Variants in VPS41 observed in about 807,000 individuals in gnomAD.
The protein encoded by VPS41 is VPS41 subunit of HOPS complex.
In VPS41, 85 loss-of-function variants were observed where a neutral mutation model predicts 130.9. That is an observed-to-expected ratio of 0.65 (90% CI 0.55 to 0.78). The LOEUF (loss-of-function observed/expected upper bound fraction) is 0.78. Among genes scored for constraint, VPS41 ranks in the 30% least tolerant of loss-of-function variants. The probability of loss-of-function intolerance (pLI) is 0.00; values close to 1 mark genes in which losing one functional copy is unlikely to be tolerated. For missense variants in VPS41, 874 were observed against 1,018.7 expected (o/e 0.86, Z 1.93); for synonymous variants, 335 against 332.9 (o/e 1.01, Z -0.07).
At position 38,789,800 on chromosome 7, in the gene VPS41, C is replaced by T. The variant is rs1205424760; in HGVS notation, c.784+1G>A. 1.2e-6 allele frequency: 2 copies of T among 1,613,554 alleles called. No homozygotes were observed. Among genetic ancestry groups the T allele is most frequent in the South Asian group, 1.1e-5 (1 of 91,070 alleles). On this transcript the variant is annotated splice_donor_variant, in intron 10 of 28. Transcript: ENST00000310301. LOFTEE classifies it high-confidence loss of function. Reference sequence around the variant, plus strand: ...ACAGAAGGCAAGTGTTGGAGCCATACCTATTTCAACATATCGACTTGGCAA... The same window carrying T: ...ACAGAAGGCAAGTGTTGGAGCCATATCTATTTCAACATATCGACTTGGCAA...
At chr7:38,862,448 C>T (rs1786136899) in intron 4 of VPS41, 97 bp downstream of exon 4, 5 of 700,474 alleles carry the variant, frequency 7.1e-6, no homozygotes, top group Non-Finnish European at 1.2e-5. Context: ...TAAAGATCCT[C>T]TTTATGCTAT....
At chr7:38,737,850 G>C (rs1795801839) in intron 25 of VPS41, among the ~76,000 whole-genome samples, 1 of 152,190 alleles carries the variant, frequency 6.6e-6, no homozygotes, top group African/African-American at 2.4e-5. Flanking sequence ...TCCTGCTCCA[G>C]AGAGAAATGT....
intron 4 of VPS41, among the ~76,000 whole-genome samples, chr7:38,832,721 C>G (rs751997086): frequency 1.3e-5 from 2 of 152,148 alleles, no homozygotes; most frequent in Non-Finnish European, 2.9e-5. Context: ...TAACTTACTT[C>G]ACCTAATTGG....
intron 25 of VPS41, among the ~76,000 whole-genome samples, chr7:38,730,679 G>T (rs1795644944): frequency 6.6e-6 from 1 of 152,124 alleles, no homozygotes; most frequent in South Asian, 2.1e-4. Context: ...AAATATGGAT[G>T]TCAGGAAACT....
At position 38,774,257 on chromosome 7, in the gene VPS41, AAGAG is replaced by A; in HGVS notation, c.883-17_883-14del. 1 of 1,560,196 alleles carries A rather than the reference AAGAG, an allele frequency of 6.4e-7. No homozygotes were observed. The highest frequency in any genetic ancestry group is 1.9e-5 in the Admixed American group (1 of 53,620). On this transcript the variant is annotated splice_polypyrimidine_tract_variant and intron_variant, in intron 11 of 28. Transcript: ENST00000310301. ...AGTATTCTCTTTCCTAGTGGGGGAA[AAGAG>A]AGAAACATTAATTTAAATTACATTT...
chr7:38,851,343 G>A (rs527728172), intron 4 of VPS41, among the ~76,000 whole-genome samples: 1 of 152,270 alleles, frequency 6.6e-6, no homozygotes, highest in South Asian at 2.1e-4. Context: ...GAAACTCCAG[G>A]CAACCACTGA....
At chr7:38,850,355 T>G (rs1327497092) in intron 4 of VPS41, among the ~76,000 whole-genome samples, 3 of 152,260 alleles carry the variant, frequency 2.0e-5, no homozygotes, top group African/African-American at 7.2e-5. Context: ...CCTGTTCATG[T>G]CATTTGCCCA....
At chr7:38,728,416 T>G (rs570484676) in intron 27 of VPS41, 126 bp downstream of exon 27, 4 of 1,075,862 alleles carry the variant, frequency 3.7e-6, no homozygotes, top group Non-Finnish European at 5.7e-6. Context: ...GCCACAACAC[T>G]TCTCTCCACT....
intron 4 of VPS41, among the ~76,000 whole-genome samples, chr7:38,832,594 G>T (rs1002685216): frequency 2.6e-5 from 4 of 152,054 alleles, no homozygotes; most frequent in Admixed American, 2.6e-4. Flanking sequence ...CTGATATCTA[G>T]TAAGTCTCAG....
At chr7:38,831,108 C>A (rs1584417050) in intron 4 of VPS41, 1 of 432,246 alleles carries the variant, frequency 2.3e-6, no homozygotes, top group African/African-American at 2.1e-5. Context: ...ATTCCTTCCT[C>A]AAATTGAATA....
intron 19 of VPS41, 72 bp from the exon 20 acceptor site, chr7:38,755,008 T>C: frequency 7.1e-7 from 1 of 1,414,176 alleles, no homozygotes; most frequent in South Asian, 1.2e-5. Context: ...CACAATGCAG[T>C]GTACCTACCA....
intron 2 of VPS41, among the ~76,000 whole-genome samples, chr7:38,894,554 AT>A (rs1786939522): frequency 6.6e-6 from 1 of 152,188 alleles, no homozygotes; most frequent in Admixed American, 6.5e-5. Flanking sequence ...ACTGAAGGTC[AT>A]TAATATTTAG....
At chr7:38,764,185 A>G (rs1584382231) in intron 16 of VPS41, among the ~76,000 whole-genome samples, 1 of 152,374 alleles carries the variant, frequency 6.6e-6, no homozygotes, top group Middle Eastern at 3.4e-3. Flanking sequence ...GGTAAGTGTT[A>G]TAACAGAGGG....
chr7:38,900,876 T>C (rs1365216659), intron 1 of VPS41, among the ~76,000 whole-genome samples: 2 of 152,240 alleles, frequency 1.3e-5, no homozygotes, highest in East Asian at 3.8e-4. Flanking sequence ...GCTGGTCTGT[T>C]ATTTCTTAGC....
At chr7:38,743,298 C>T (rs1255517654) in intron 24 of VPS41, 104 bp downstream of exon 24, 5 of 1,341,516 alleles carry the variant, frequency 3.7e-6, no homozygotes, top group African/African-American at 1.5e-5. Flanking sequence ...AGGTACGCTA[C>T]CATTTTCTTA....
At chr7:38,862,088 G>A (rs1013005817) in intron 4 of VPS41, among the ~76,000 whole-genome samples, 1 of 152,108 alleles carries the variant, frequency 6.6e-6, no homozygotes, top group Non-Finnish European at 1.5e-5. Flanking sequence ...ATACTTTAAG[G>A]ATTCCACAAA....
At chr7:38,855,445 C>A (rs573245085) in intron 4 of VPS41, among the ~76,000 whole-genome samples, 1 of 152,112 alleles carries the variant, frequency 6.6e-6, no homozygotes, top group African/African-American at 2.4e-5. Context: ...TTCTTCGCAG[C>A]CAAAGAAAGC....
intron 4 of VPS41, among the ~76,000 whole-genome samples, chr7:38,835,836 C>T (rs1785479433): frequency 6.6e-6 from 1 of 150,990 alleles, no homozygotes; most frequent in African/African-American, 2.4e-5. Flanking sequence ...TACTAGATGC[C>T]CTATAATTTG....
chr7:38,849,616 C>T (rs555285110), intron 4 of VPS41, among the ~76,000 whole-genome samples: 113 of 152,298 alleles, frequency 7.4e-4, no homozygotes, highest in African/African-American at 2.6e-3. Flanking sequence ...ACCAGCGTGC[C>T]GGTGTCTGCC....
Sources: gnomAD v4.1 joint callset for allele counts (sites outside exome capture counted in the v4.1 genomes callset) on GRCh38, gnomAD v4.1.1 for gene constraint, MANE v1.5 for transcripts, NCBI Gene and HGNC (gene_info 2026-07-23, HGNC 2026-07-21) for gene names.